FGD4: variants seen among roughly 807,000 people sequenced by gnomAD.
The protein encoded by FGD4 is FYVE, RhoGEF and PH domain containing 4, also known as FYVE, RhoGEF and PH domain-containing protein 4.
FGD4 carries 42 observed loss-of-function variants against 102.0 expected under a neutral mutation model. The observed-to-expected ratio is 0.41, with a 90% CI of 0.32 to 0.53. The LOEUF (loss-of-function observed/expected upper bound fraction) is 0.53. FGD4 is among the 20% of genes least tolerant of loss of function. FGD4 has a pLI of 0.21. For synonymous variants in FGD4, 380 were observed against 375.7 expected (o/e 1.01, Z -0.13); for missense variants, 902 against 1,078.2 (o/e 0.84, Z 2.29).
At chr12:32,634,990 A>G (rs1310550812) in intron 15 of FGD4, among the ~76,000 whole-genome samples, 2 of 152,292 alleles carry the variant, frequency 1.3e-5, no homozygotes, top group Admixed American at 1.3e-4. Flanking sequence ...CTGTCTCAAA[A>G]AAAAAAGAAT....
At chr12:32,454,711 A>G (rs1200257017) in intron 1 of FGD4, among the ~76,000 whole-genome samples, 2 of 152,330 alleles carry the variant, frequency 1.3e-5, no homozygotes, top group East Asian at 1.9e-4. Flanking sequence ...TAAAAATTAA[A>G]TTCAATAGGA....
intron 1 of FGD4, among the ~76,000 whole-genome samples, chr12:32,474,538 C>T (rs769854317): frequency 1.3e-5 from 2 of 152,124 alleles, no homozygotes; most frequent in Non-Finnish European, 2.9e-5. Flanking sequence ...CCCAAAGAGC[C>T]AAATCTATAG....
rs149311995 is a variant in FGD4, at chr12:32,436,573, C to T, written c.166+36614C>T. Among the ~76,000 whole-genome samples the T allele has an allele frequency of 2.7e-3, 416 of 152,268 alleles. 2 individuals are homozygous for T. Among genetic ancestry groups the T allele is most frequent in the African/African-American group, 9.5e-3 (395 of 41,564 alleles). On this transcript the variant is annotated intron_variant, in intron 1 of 16. Coordinates refer to ENST00000534526, the MANE Select transcript of FGD4 (RefSeq NM_001370298.3). ...TCTCCCTTGAACCAGTTTGGTGTTA[C>T]GCCTGGTTGTGCTTCTCCCGCTTTA...
At chr12:32,589,357 T>C (rs182307423) in intron 4 of FGD4, among the ~76,000 whole-genome samples, 10 of 152,332 alleles carry the variant, frequency 6.6e-5, no homozygotes, top group African/African-American at 2.2e-4. Context: ...ACCTCTTTTT[T>C]AACTTAGGGT....
intron 4 of FGD4, among the ~76,000 whole-genome samples, chr12:32,593,460 T>C (rs905789466): frequency 2.6e-5 from 4 of 152,190 alleles, no homozygotes; most frequent in Admixed American, 2.6e-4. Flanking sequence ...GTTAGGGACC[T>C]AACATGTAGA....
At chr12:32,599,981 G>T (rs1426709577) in intron 5 of FGD4, among the ~76,000 whole-genome samples, 1 of 152,114 alleles carries the variant, frequency 6.6e-6, no homozygotes, top group Non-Finnish European at 1.5e-5. Flanking sequence ...TTCTGCCATT[G>T]GAAACTGGAA....
At chr12:32,507,165 T>TGA (rs1938853930) in intron 1 of FGD4, among the ~76,000 whole-genome samples, 1 of 147,734 alleles carries the variant, frequency 6.8e-6, no homozygotes, top group South Asian at 2.1e-4. Context: ...CATCTATGAG[T>TGA]GAGAACATGC....
At chr12:32,536,731 T>C (rs1406950242) in intron 1 of FGD4, among the ~76,000 whole-genome samples, 2 of 152,150 alleles carry the variant, frequency 1.3e-5, no homozygotes, top group African/African-American at 4.8e-5. Flanking sequence ...ATCGTAGAAT[T>C]TGGTCATTCT....
rs149654970 is a variant in FGD4 at position 32,537,445 on chromosome 12, C to T, written c.167-26692C>T. On this transcript the variant is annotated intron_variant, in intron 1 of 16. Transcript: ENST00000534526. ...TGGAGTCCATTGTCTACCTAACAGCCTGTGTGCACCTCTAAAAACGGAGGG... is the reference window on the plus strand; with the variant it reads ...TGGAGTCCATTGTCTACCTAACAGCTTGTGTGCACCTCTAAAAACGGAGGG... Among the ~76,000 whole-genome samples, 754 of 152,266 alleles carry T rather than the reference C, an allele frequency of 5.0e-3. 9 individuals carry two copies. The highest frequency in any genetic ancestry group is 0.017 in the African/African-American group (727 of 41,556).
chr12:32,485,514 C>T (rs1342391651), intron 1 of FGD4, among the ~76,000 whole-genome samples: 1 of 146,434 alleles, frequency 6.8e-6, no homozygotes, highest in Non-Finnish European at 1.5e-5. Flanking sequence ...GATCTGGGCT[C>T]ACTGCAAGCT....
rs1393106098 is a variant in FGD4 at position 32,641,743 on chromosome 12, T to C, written c.*1210T>C. ...ATAATGAACACTTAAGATAACTGTA[T>C]GGGCCTTTTCCTTTGTCGGAATGAA... On this transcript the variant is annotated 3_prime_UTR_variant, in exon 17 of 17. Coordinates refer to ENST00000534526, the MANE Select transcript of FGD4 (RefSeq NM_001370298.3). 1 of 152,152 alleles carries C rather than the reference T, an allele frequency of 6.6e-6. No homozygotes were observed. The highest frequency in any genetic ancestry group is 2.4e-5 in the African/African-American group (1 of 41,440). The allele number at this position is 152,152 out of a possible 1,614,324, so 9.4% of individuals were successfully genotyped here. A position where few individuals can be genotyped will look rare whatever the true frequency, so the allele number is the denominator to read the frequency against.
rs374075663 is a variant in FGD4, at chr12:32,582,242, G to A, written c.786G>A (p.Thr262=). 1.3e-5 allele frequency: 21 copies of A among 1,614,084 alleles called. No homozygotes were observed. The highest frequency in any genetic ancestry group is 3.3e-5 in the Admixed American group (2 of 60,008). The part of the protein sequence containing the change: ...SIQASEPLLD[T]HIVNGERDET... ...AAGCTTCTGAACCCTTGCTTGATAC[G>A]CACATAGTGAATGGAGAAAGAGATG... The change falls in exon 4 of 17, where the codon ACG becomes ACA. Residue 262 remains threonine, a synonymous_variant. Coordinates refer to ENST00000534526, the MANE Select transcript of FGD4 (RefSeq NM_001370298.3).
chr12:32,515,285 A>G (rs1939778929), intron 1 of FGD4, among the ~76,000 whole-genome samples: 2 of 152,152 alleles, frequency 1.3e-5, no homozygotes, highest in African/African-American at 4.8e-5. Flanking sequence ...CTCCTGCTCA[A>G]ATCTTGTGGT....
At chr12:32,441,894 G>A (rs768886281) in intron 1 of FGD4, among the ~76,000 whole-genome samples, 17 of 152,094 alleles carry the variant, frequency 1.1e-4, no homozygotes, top group Non-Finnish European at 2.5e-4. Flanking sequence ...GTTTGGTCTG[G>A]TTTTCTTTTC....
chr12:32,581,728 C>A (rs912295757), intron 3 of FGD4, among the ~76,000 whole-genome samples: 6 of 152,216 alleles, frequency 3.9e-5, no homozygotes, highest in African/African-American at 1.4e-4. Context: ...ATGTTCCAGT[C>A]CCCATAGGTA....
At chr12:32,480,314 A>G (rs555381149) in intron 1 of FGD4, among the ~76,000 whole-genome samples, 1 of 151,750 alleles carries the variant, frequency 6.6e-6, no homozygotes, top group African/African-American at 2.4e-5. Context: ...GGTACGTGCC[A>G]CCATGCCCAG....
At chr12:32,527,193 A>T (rs1032176613) in intron 1 of FGD4, among the ~76,000 whole-genome samples, 6 of 152,340 alleles carry the variant, frequency 3.9e-5, no homozygotes, top group African/African-American at 1.4e-4. Flanking sequence ...TTTAAAAAAT[A>T]ATAAAATTAT....
chr12:32,466,669 A>G (rs1350309307), intron 1 of FGD4, among the ~76,000 whole-genome samples: 1 of 152,016 alleles, frequency 6.6e-6, no homozygotes, highest in Non-Finnish European at 1.5e-5. Flanking sequence ...GGAGTTCGAA[A>G]CCAGCCTGGC....
At chr12:32,627,342 G>A (rs1235365689) in intron 14 of FGD4, among the ~76,000 whole-genome samples, 1 of 151,812 alleles carries the variant, frequency 6.6e-6, no homozygotes, top group Non-Finnish European at 1.5e-5. Flanking sequence ...CTTTAGTACA[G>A]ACGGGGTTTC....
Sources: allele counts gnomAD v4.1 joint callset (sites outside exome capture counted in the v4.1 genomes callset), GRCh38; gene constraint gnomAD v4.1.1; transcripts MANE v1.5; gene names NCBI Gene and HGNC (gene_info 2026-07-23, HGNC 2026-07-21).